ST3GAL2: variants seen among roughly 807,000 people sequenced by gnomAD.
ST3GAL2 encodes ST3 beta-galactoside alpha-2,3-sialyltransferase 2, also known as CMP-N-acetylneuraminate-beta-galactosamide-alpha-2,3-sialyltransferase 2.
A neutral mutation model predicts 37.5 loss-of-function variants in ST3GAL2; 16 were observed. The ratio of observed to expected loss-of-function variants is 0.43; its 90% CI spans 0.29 to 0.65. The LOEUF (loss-of-function observed/expected upper bound fraction) is 0.65, where lower values mean the gene tolerates loss of function less well. Ranked by LOEUF, ST3GAL2 falls within the 30% of genes least tolerant of loss-of-function variation. ST3GAL2 has a pLI of 0.17. For synonymous variants in ST3GAL2, 238 were observed against 202.9 expected (o/e 1.17, Z -1.47); for missense variants, 383 against 487.8 (o/e 0.79, Z 2.02).
intron 1 of ST3GAL2, among the ~76,000 whole-genome samples, chr16:70,419,023 G>A (rs1013873755): frequency 3.3e-5 from 5 of 152,172 alleles, no homozygotes; most frequent in African/African-American, 9.7e-5. Flanking sequence ...AAGTGGCAGG[G>A]AGGGCAGGGC....
intron 1 of ST3GAL2, among the ~76,000 whole-genome samples, chr16:70,435,626 T>C (rs1359900514): frequency 6.9e-6 from 1 of 145,434 alleles, no homozygotes; most frequent in Non-Finnish European, 1.5e-5. Context: ...ATAAAATAAA[T>C]TTTAAAAAAA....
chr16:70,383,054 T>G, intron 5 of ST3GAL2, 130 bp from the exon 6 acceptor site: 1 of 1,582,168 alleles, frequency 6.3e-7, no homozygotes, highest in African/African-American at 1.4e-5. Flanking sequence ...GTGTGGCACC[T>G]GCTAGGGTCA....
rs1201748749 is a variant in ST3GAL2 at position 70,389,104 on chromosome 16, G to A, written c.534-558C>T. 4.9e-5 allele frequency among the ~76,000 whole-genome samples: 7 copies of A among 141,574 alleles called. No individual in the cohort carries two copies. The Admixed American group carries it at 5.2e-4, about 10-fold the overall frequency. 92.9% of individuals were successfully genotyped at this position (141,574 alleles called of 152,430 possible). ...AAAAAAAAAAAAAAAGGTTGGCCGG[G>A]CGCGGTGGCTCACACCTGTAATCCC... On this transcript the variant is annotated intron_variant, in intron 3 of 6. Coordinates refer to ENST00000342907, the MANE Select transcript of ST3GAL2 (RefSeq NM_006927.4).
chr16:70,410,496 G>C (rs1376956897), intron 1 of ST3GAL2, among the ~76,000 whole-genome samples: 1 of 151,350 alleles, frequency 6.6e-6, no homozygotes, highest in Non-Finnish European at 1.5e-5. Context: ...CTCGTGATCT[G>C]CCTGCGTCGG....
chr16:70,404,500 A>T (rs539411729), intron 1 of ST3GAL2, among the ~76,000 whole-genome samples: 32 of 152,238 alleles, frequency 2.1e-4, no homozygotes, highest in African/African-American at 7.5e-4. Flanking sequence ...ATCAGATACC[A>T]CTTCCTGCCC....
chr16:70,428,023 G>A (rs923158871), intron 1 of ST3GAL2, among the ~76,000 whole-genome samples: 3 of 152,192 alleles, frequency 2.0e-5, no homozygotes, highest in African/African-American at 7.2e-5. Flanking sequence ...GGGTAAAGGC[G>A]GAACTCCCCA....
chr16:70,398,770 C>G lies in ST3GAL2; in HGVS notation c.-240G>C. 2 of 586,994 alleles carry G rather than the reference C, an allele frequency of 3.4e-6. No homozygotes were observed. Among genetic ancestry groups the G allele is most frequent in the East Asian group, 5.6e-5 (2 of 35,860 alleles). 36.4% of individuals were successfully genotyped at this position (586,994 alleles called of 1,614,324 possible). On this transcript the variant is annotated 5_prime_UTR_variant, in exon 2 of 7. Transcript: ENST00000342907. ...GCGGGGCCCCTGCTTAGGGCTTCAT[C>G]GGGTCTCTCCGTCACTAGCTAGGCC... is the stretch of plus-strand genomic sequence containing the variant.
chr16:70,411,660 A>T (rs2047639197), intron 1 of ST3GAL2, among the ~76,000 whole-genome samples: 1 of 152,130 alleles, frequency 6.6e-6, no homozygotes, highest in African/African-American at 2.4e-5. Flanking sequence ...AGTTTAAGTC[A>T]TTGTGGGTTA....
At chr16:70,384,705 C>CAAAAAAAA (rs34907504) in intron 4 of ST3GAL2, among the ~76,000 whole-genome samples, 1 of 69,110 alleles carries the variant, frequency 1.4e-5, no homozygotes. Flanking sequence ...AACTCTGTCT[C>CAAAAAAAA]AAAAAAAAAA....
chr16:70,400,700 G>A (rs2047549084), intron 1 of ST3GAL2: 1 of 152,282 alleles, frequency 6.6e-6, no homozygotes, highest in Non-Finnish European at 1.5e-5. Context: ...ACTTACCTAA[G>A]GTCACGACGT....
chr16:70,412,251 C>T (rs1007937953), intron 1 of ST3GAL2, among the ~76,000 whole-genome samples: 1 of 152,162 alleles, frequency 6.6e-6, no homozygotes, highest in South Asian at 2.1e-4. Flanking sequence ...TTCTCTAAGA[C>T]ATTCTTCTGT....
At chr16:70,395,278 G>C in intron 2 of ST3GAL2, 103 bp from the exon 3 acceptor site, 1 of 1,084,676 alleles carries the variant, frequency 9.2e-7, no homozygotes, top group Non-Finnish European at 1.3e-6. Context: ...CTGTGTCTGG[G>C]CACAGGCCTC....
chr16:70,405,147 T>C (rs1026277920), intron 1 of ST3GAL2, among the ~76,000 whole-genome samples: 16 of 152,134 alleles, frequency 1.1e-4, no homozygotes, highest in African/African-American at 3.1e-4. Flanking sequence ...AAACAAAATG[T>C]GGTATATCCA....
intron 4 of ST3GAL2, among the ~76,000 whole-genome samples, chr16:70,386,604 T>A (rs917476304): frequency 6.6e-6 from 1 of 152,096 alleles, no homozygotes; most frequent in Non-Finnish European, 1.5e-5. Flanking sequence ...CCCAAAGGGC[T>A]GGGATTACAG....
chr16:70,376,877 G>C lies in ST3GAL2; in HGVS notation c.*4812C>G, dbSNP rs926127007. ...CTGCCTCGGTCTCCCGAGTAGCTGG[G>C]ATCACAGCCGTCTGCCACTAAGCCT... On this transcript the variant is annotated 3_prime_UTR_variant, in exon 7 of 7. Transcript: ENST00000342907. 1.3e-5 allele frequency: 2 copies of C among 151,972 alleles called. No homozygotes were observed. The highest frequency in any genetic ancestry group is 2.9e-5 in the Non-Finnish European group (2 of 68,016). 9.4% of individuals were successfully genotyped at this position (151,972 alleles called of 1,614,324 possible). A position where few individuals can be genotyped will look rare whatever the true frequency, so the allele number is the denominator to read the frequency against.
At chr16:70,424,816 TC>T (rs1032440779) in intron 1 of ST3GAL2, among the ~76,000 whole-genome samples, 1 of 152,126 alleles carries the variant, frequency 6.6e-6, no homozygotes, top group Non-Finnish European at 1.5e-5. Context: ...CACTCTTGGT[TC>T]CCACATGATG....
In ST3GAL2 at chr16:70,424,060, AAAAAC is replaced by A. The variant is rs925660056; in HGVS notation, c.-1004+14884_-1004+14888del. Reference sequence around the variant, plus strand: ...GTGACAGAGTGAGACTTCGTCTCAAAAAAACAAAACAAAACAAAACAAAAAAAGCC... The same window carrying A: ...GTGACAGAGTGAGACTTCGTCTCAAAAAAACAAAACAAAACAAAAAAAGCC... On this transcript the variant is annotated intron_variant, in intron 1 of 6. Transcript: ENST00000342907. Among the ~76,000 whole-genome samples, 17 of 152,060 alleles carry A rather than the reference AAAAAC, an allele frequency of 1.1e-4. No homozygotes were observed. The East Asian group carries it at 3.4e-3, about 30-fold the overall frequency.
chr16:70,389,589 C>T (rs2047468529), intron 3 of ST3GAL2, among the ~76,000 whole-genome samples: 1 of 152,068 alleles, frequency 6.6e-6, no homozygotes, highest in African/African-American at 2.4e-5. Flanking sequence ...CTCAGCCTCC[C>T]AAGTAGCTGG....
intron 3 of ST3GAL2, 31 bp downstream of exon 3, chr16:70,394,951 G>A: frequency 6.2e-7 from 1 of 1,602,964 alleles, no homozygotes. Flanking sequence ...GGCCCATCCT[G>A]AGCCCACCCT....
Sources: allele counts gnomAD v4.1 joint callset (sites outside exome capture counted in the v4.1 genomes callset), GRCh38; gene constraint gnomAD v4.1.1; transcripts MANE v1.5; gene names NCBI Gene and HGNC (gene_info 2026-07-23, HGNC 2026-07-21).